The following NAV3 variants were observed in gnomAD, a reference collection of about 807,000 sequenced individuals.
NAV3 encodes neuron navigator 3.
NAV3 carries 87 observed loss-of-function variants against 244.7 expected under a neutral mutation model. The observed-to-expected ratio is 0.36, with a 90% CI of 0.30 to 0.42. The LOEUF (loss-of-function observed/expected upper bound fraction) is 0.42. Ranked by LOEUF, NAV3 falls within the 20% of genes least tolerant of loss-of-function variation. The pLI is 1.00. For synonymous variants in NAV3, 1,126 were observed against 1,042.2 expected (o/e 1.08, Z -1.55); for missense variants, 2,663 against 2,893.3 (o/e 0.92, Z 1.83).
At chr12:78,128,238 G>T (rs1956006268) in intron 17 of NAV3, among the ~76,000 whole-genome samples, 1 of 148,804 alleles carries the variant, frequency 6.7e-6, no homozygotes. Context: ...ATGTCAAGTG[G>T]CAGTTTAACA....
At chr12:77,632,275 A>G (rs1352670103) in intron 2 of NAV3, among the ~76,000 whole-genome samples, 1 of 152,202 alleles carries the variant, frequency 6.6e-6, no homozygotes, top group Non-Finnish European at 1.5e-5. Context: ...TAATATATAT[A>G]TCACCAATCT....
At chr12:77,733,732 G>A (rs551004125) in intron 2 of NAV3, among the ~76,000 whole-genome samples, 2 of 151,764 alleles carry the variant, frequency 1.3e-5, no homozygotes, top group African/African-American at 2.4e-5. Context: ...CTTCATGAAA[G>A]CAAAGGATAC....
At chr12:78,100,897 T>C (rs1265507628) in intron 12 of NAV3, among the ~76,000 whole-genome samples, 3 of 152,170 alleles carry the variant, frequency 2.0e-5, no homozygotes, top group Non-Finnish European at 4.4e-5. Context: ...TTATTGCTCT[T>C]TCCTGTAATG....
intron 3 of NAV3, among the ~76,000 whole-genome samples, chr12:77,954,313 T>C (rs1290500251): frequency 6.6e-6 from 1 of 152,208 alleles, no homozygotes; most frequent in African/African-American, 2.4e-5. Context: ...CCTAGCCATC[T>C]GCCAGTTGTG....
At chr12:78,026,639 G>A (rs555660927) in intron 9 of NAV3, among the ~76,000 whole-genome samples, 10 of 152,186 alleles carry the variant, frequency 6.6e-5, no homozygotes, top group Middle Eastern at 6.8e-3. Context: ...AAAAAATTTA[G>A]ATGACACAAT....
chr12:77,621,773 C>T (rs148684418), intron 2 of NAV3, among the ~76,000 whole-genome samples: 147 of 152,158 alleles, frequency 9.7e-4, no homozygotes, highest in African/African-American at 3.3e-3. Context: ...CCACTGCACC[C>T]GGCCTGAACT....
At chr12:78,165,711 A>G (rs1376290168) in intron 23 of NAV3, among the ~76,000 whole-genome samples, 1 of 151,806 alleles carries the variant, frequency 6.6e-6, no homozygotes, top group Non-Finnish European at 1.5e-5. Context: ...CATAATTATG[A>G]AGAAGAAAAA....
At chr12:77,646,293 A>G (rs535332171) in intron 2 of NAV3, among the ~76,000 whole-genome samples, 1 of 152,286 alleles carries the variant, frequency 6.6e-6, no homozygotes, top group African/African-American at 2.4e-5. Flanking sequence ...AAAGCACGCT[A>G]TATAATTTTA....
At position 78,210,430 on chromosome 12, in the gene NAV3, C is replaced by T. The variant is rs2140138992; in HGVS notation, c.7071C>T (p.Ala2357=). ...TGCTAATGAAACTCCAAGAAGCAGC[C>T]AATTACTCGAGCACACAAAGCTGCG... ...MNMLMKLQEA[A]NYSSTQSCDS... is the part of the protein sequence containing the mutation. The change falls in exon 40 of 40, where the codon GCC becomes GCT. Residue 2357 remains alanine (A), a synonymous_variant. Transcript: ENST00000397909. 6.2e-7 allele frequency: 1 copy of T among 1,613,636 alleles called. No homozygotes were observed. Among genetic ancestry groups the T allele is most frequent in the Non-Finnish European group, 8.5e-7 (1 of 1,179,834 alleles).
At chr12:78,060,665 G>A (rs918493480) in intron 12 of NAV3, among the ~76,000 whole-genome samples, 1 of 152,028 alleles carries the variant, frequency 6.6e-6, no homozygotes, top group Non-Finnish European at 1.5e-5. Flanking sequence ...TAAATAGAGT[G>A]GTAAATGAGT....
intron 9 of NAV3, among the ~76,000 whole-genome samples, chr12:78,045,936 C>T (rs10047660): frequency 4.6e-5 from 7 of 152,070 alleles, no homozygotes; most frequent in East Asian, 3.9e-4. Context: ...TTCAGGGATT[C>T]GACTTCTTCC....
chr12:77,938,931 C>T (rs1420045858), intron 1 of NAV3, among the ~76,000 whole-genome samples: 6 of 142,592 alleles, frequency 4.2e-5, no homozygotes, highest in East Asian at 4.1e-4. Flanking sequence ...AATGTGATCT[C>T]GTGTGTGTGT....
At chr12:77,765,978 C>A (rs141179045) in intron 2 of NAV3, among the ~76,000 whole-genome samples, 721 of 152,068 alleles carry the variant, frequency 4.7e-3, no homozygotes, top group Non-Finnish European at 8.5e-3. Context: ...AATTTCAGAC[C>A]AAGATCTGTG....
At chr12:77,849,887 G>A (rs988523187) in intron 1 of NAV3, among the ~76,000 whole-genome samples, 1 of 152,116 alleles carries the variant, frequency 6.6e-6, no homozygotes, top group Non-Finnish European at 1.5e-5. Flanking sequence ...TTTGAATGTG[G>A]AAGAAAGAGT....
intron 2 of NAV3, among the ~76,000 whole-genome samples, chr12:77,715,447 GTTTA>G (rs1326083864): frequency 6.6e-6 from 1 of 151,592 alleles, no homozygotes; most frequent in Non-Finnish European, 1.5e-5. Flanking sequence ...AACAACAAAT[GTTTA>G]TTTATATATA....
At chr12:78,144,419 T>C (rs908470059) in intron 20 of NAV3, among the ~76,000 whole-genome samples, 34 of 152,230 alleles carry the variant, frequency 2.2e-4, no homozygotes, top group Admixed American at 1.8e-3. Context: ...ATAATCCAGT[T>C]CCATCATGAT....
chr12:77,634,826 A>C (rs1030890812), intron 2 of NAV3, among the ~76,000 whole-genome samples: 6 of 152,108 alleles, frequency 3.9e-5, no homozygotes, highest in Non-Finnish European at 7.4e-5. Context: ...AAAGTCTAAA[A>C]GGAAAACAAT....
chr12:77,685,332 C>T (rs537626513), intron 2 of NAV3, among the ~76,000 whole-genome samples: 6 of 152,078 alleles, frequency 3.9e-5, no homozygotes, highest in Admixed American at 6.6e-5. Flanking sequence ...CTGACATGTG[C>T]GCCATCTGCT....
At chr12:77,898,391 G>A (rs1403274340) in intron 1 of NAV3, among the ~76,000 whole-genome samples, 2 of 152,120 alleles carry the variant, frequency 1.3e-5, no homozygotes, top group Non-Finnish European at 2.9e-5. Flanking sequence ...AAATTTTGGA[G>A]TGAATATATA....
Sources: allele counts gnomAD v4.1 joint callset (sites outside exome capture counted in the v4.1 genomes callset), GRCh38; gene constraint gnomAD v4.1.1; transcripts MANE v1.5; gene names NCBI Gene and HGNC (gene_info 2026-07-23, HGNC 2026-07-21).